Variants in PRKX observed in about 807,000 individuals in gnomAD.
PRKX encodes the protein cAMP-dependent protein kinase catalytic subunit PRKX.
PRKX carries 12 observed loss-of-function variants against 22.0 expected under a neutral mutation model. The ratio of observed to expected loss-of-function variants is 0.54; its 90% CI spans 0.35 to 0.88. The LOEUF (loss-of-function observed/expected upper bound fraction) is 0.88, where lower values mean the gene tolerates loss of function less well. Among genes scored for constraint, PRKX ranks in the 40% least tolerant of loss-of-function variants. PRKX has a pLI of 0.01. For missense variants in PRKX, 217 were observed against 308.0 expected (o/e 0.70, Z 2.21); for synonymous variants, 134 against 137.7 (o/e 0.97, Z 0.19).
At chrX:3,710,750 C>G (rs1351464698) in intron 1 of PRKX, among the ~76,000 whole-genome samples, 1 of 111,866 alleles carries the variant, frequency 8.9e-6, no homozygotes. Flanking sequence ...GCCCACCCCC[C>G]AAAAAGTTCA....
intron 1 of PRKX, among the ~76,000 whole-genome samples, chrX:3,683,398 A>G (rs1928111923): frequency 9.0e-6 from 1 of 111,108 alleles, no homozygotes; most frequent in Non-Finnish European, 1.9e-5. Flanking sequence ...CTAAGAAGCT[A>G]CTAATCCCTA....
At chrX:3,681,471 G>C (rs1029988007) in intron 1 of PRKX, among the ~76,000 whole-genome samples, 7 of 109,435 alleles carry the variant, frequency 6.4e-5, no homozygotes, top group African/African-American at 2.3e-4. Flanking sequence ...GGACAACACA[G>C]TGAGACCCCA....
intron 4 of PRKX, among the ~76,000 whole-genome samples, chrX:3,634,087 TA>T (rs1390236059): frequency 9.2e-6 from 1 of 108,820 alleles, no homozygotes; most frequent in Non-Finnish European, 1.9e-5. Context: ...CCATCTCTAC[TA>T]AAAATACAAA....
Position 3,615,852 on chromosome X carries a change from G to A in PRKX, c.914C>T (p.Ser305Phe). The A allele has an allele frequency of 8.3e-7, 1 of 1,207,781 alleles. No homozygotes were observed. Among genetic ancestry groups the A allele is most frequent in the South Asian group, 1.8e-5 (1 of 55,991 alleles). ...NDVKHHRWFR[S>F]VDWEAVPQRK... ...CTGCGGAACAGCTTCCCAGTCCACG[G>A]AGCGGAACCACCGATGATGCTTCAC... The change falls in exon 7 of 9, where the codon TCC (serine) becomes TTC (phenylalanine). Residue 305 changes from serine (S) to phenylalanine (F), a missense_variant. Ser to Phe is a radical substitution (Grantham distance 155). Transcript: ENST00000262848.
In PRKX at chrX:3,668,001, C is replaced by T. The variant is rs191231461; in HGVS notation, c.335+6597G>A. The T allele has an allele frequency of 5.4e-3, 601 of 110,791 alleles. 2 individuals are homozygous for T. Among genetic ancestry groups the T allele is most frequent in the Non-Finnish European group, 7.5e-3 (399 of 53,049 alleles). 9.1% of individuals were successfully genotyped at this position (110,791 alleles called of 1,213,427 possible). On this transcript the variant is annotated intron_variant, in intron 2 of 8. Coordinates refer to ENST00000262848, the MANE Select transcript of PRKX (RefSeq NM_005044.5). Reference sequence around the variant, plus strand: ...CTGGTAAGGCCCCTTTTCCACGTATCGCTGGGACTCTTCTCACCCTACGCA... The same window carrying T: ...CTGGTAAGGCCCCTTTTCCACGTATTGCTGGGACTCTTCTCACCCTACGCA...
chrX:3,691,029 G>A (rs6655030), intron 1 of PRKX, among the ~76,000 whole-genome samples: 5,468 of 111,287 alleles, frequency 0.049, 340 homozygotes, highest in African/African-American at 0.17. Flanking sequence ...GGTAGAGACC[G>A]AGCACAGTTA....
In PRKX at chrX:3,682,674, C is replaced by T. The variant is rs187741966; in HGVS notation, c.167-7908G>A. 4.2e-3 allele frequency among the ~76,000 whole-genome samples: 467 copies of T among 111,410 alleles called. 2 individuals carry two copies. The highest frequency in any genetic ancestry group is 0.014 in the African/African-American group (434 of 30,680). ...GAAAGAGGCAGAGAGTACAGTGATG[C>T]GGCCACAAGCCCAGGGACACTTGGA... On this transcript the variant is annotated intron_variant, in intron 1 of 8. Coordinates refer to ENST00000262848, the MANE Select transcript of PRKX (RefSeq NM_005044.5).
At chrX:3,695,738 C>G (rs1281422689) in intron 1 of PRKX, among the ~76,000 whole-genome samples, 1 of 111,841 alleles carries the variant, frequency 8.9e-6, no homozygotes, top group Non-Finnish European at 1.9e-5. Flanking sequence ...TCCGAATGAT[C>G]TGTCATTTCT....
At chrX:3,694,256 C>T (rs954358837) in intron 1 of PRKX, among the ~76,000 whole-genome samples, 1 of 108,806 alleles carries the variant, frequency 9.2e-6, no homozygotes. Context: ...GGCGTGGTGT[C>T]GGGTGCCTAT....
At chrX:3,686,886 C>T (rs1928190269) in intron 1 of PRKX, among the ~76,000 whole-genome samples, 1 of 111,983 alleles carries the variant, frequency 8.9e-6, no homozygotes. Flanking sequence ...GTAAAATACG[C>T]ACAACATAAA....
intron 7 of PRKX, among the ~76,000 whole-genome samples, chrX:3,612,701 G>C (rs1926323151): frequency 9.1e-6 from 1 of 110,380 alleles, no homozygotes; most frequent in Non-Finnish European, 1.9e-5. Flanking sequence ...TGGGAGAACT[G>C]CTTGAGCCCA....
chrX:3,619,170 G>T (rs1406392904), intron 6 of PRKX, among the ~76,000 whole-genome samples: 3 of 112,269 alleles, frequency 2.7e-5, no homozygotes, highest in Non-Finnish European at 5.6e-5. Flanking sequence ...CTGGAGAAGG[G>T]TGGGCCCTAA....
chrX:3,694,421 T>A (rs12011124), intron 1 of PRKX, among the ~76,000 whole-genome samples: 46,776 of 108,774 alleles, frequency 0.43, 8,100 homozygotes, highest in African/African-American at 0.61. Context: ...ATAAATAAAT[T>A]ATTTAAAAAA....
chrX:3,627,911 G>T (rs1188403108), intron 4 of PRKX, among the ~76,000 whole-genome samples: 1 of 111,429 alleles, frequency 9.0e-6, no homozygotes, highest in Non-Finnish European at 1.9e-5. Flanking sequence ...CAAAGGAAAG[G>T]AAGTCATGAT....
intron 1 of PRKX, among the ~76,000 whole-genome samples, chrX:3,700,324 C>T (rs1279079703): frequency 8.9e-6 from 1 of 111,840 alleles, no homozygotes; most frequent in Non-Finnish European, 1.9e-5. Context: ...AGGAAGTTAA[C>T]GGAGAAACAT....
At chrX:3,624,264 T>A (rs973194104) in intron 5 of PRKX, among the ~76,000 whole-genome samples, 1 of 111,443 alleles carries the variant, frequency 9.0e-6, no homozygotes, top group African/African-American at 3.3e-5. Context: ...TTGATAAGAT[T>A]TAACAAATAA....
rs1029223769 is a variant in PRKX, at chrX:3,661,836, C to T, written c.336-6424G>A. 3.6e-5 allele frequency among the ~76,000 whole-genome samples: 4 copies of T among 111,487 alleles called. No individual in the cohort carries two copies. In the Admixed American group the frequency reaches 3.8e-4, roughly 11 times the overall value. On this transcript the variant is annotated intron_variant, in intron 2 of 8. Coordinates refer to ENST00000262848, the MANE Select transcript of PRKX (RefSeq NM_005044.5). The stretch of plus-strand genomic sequence containing the variant: ...GCATCAGTTCAATGATTCCAGTTAC[C>T]TGAGGGACTCTGCCCCTGACATCAA...
In PRKX at chrX:3,699,544, GGGTTTCACCATTATGGCCAGGAT is replaced by G. The variant is rs751461104; in HGVS notation, c.166+13521_166+13543del. On this transcript the variant is annotated intron_variant, in intron 1 of 8. Coordinates refer to ENST00000262848, the MANE Select transcript of PRKX (RefSeq NM_005044.5). Reference sequence around the variant, plus strand: ...TTTTTTTGTATTTTTAGTAGAGACGGGGTTTCACCATTATGGCCAGGATGGTCTCAAACTCCTGACCTCAGGTG... The same window carrying G: ...TTTTTTTGTATTTTTAGTAGAGACGGGGTCTCAAACTCCTGACCTCAGGTG... Among the ~76,000 whole-genome samples the G allele has an allele frequency of 9.0e-5, 10 of 110,538 alleles. No homozygotes were observed. The South Asian group carries it at 3.8e-3, about 42-fold the overall frequency.
chrX:3,701,524 C>T (rs1315423990), intron 1 of PRKX, among the ~76,000 whole-genome samples: 2 of 112,353 alleles, frequency 1.8e-5, no homozygotes, highest in African/African-American at 3.2e-5. Flanking sequence ...CTGGATTTTG[C>T]GATCTTTGAA....
Sources: allele counts gnomAD v4.1 joint callset (sites outside exome capture counted in the v4.1 genomes callset), GRCh38; gene constraint gnomAD v4.1.1; transcripts MANE v1.5; gene names NCBI Gene and HGNC (gene_info 2026-07-23, HGNC 2026-07-21).